SMAP1: variants seen among roughly 807,000 people sequenced by gnomAD.
SMAP1 encodes stromal membrane-associated protein 1.
SMAP1 carries 24 observed loss-of-function variants against 58.5 expected under a neutral mutation model. That is an observed-to-expected ratio of 0.41 (90% CI 0.30 to 0.58). SMAP1 has a LOEUF of 0.58. Ranked by LOEUF, SMAP1 falls within the 20% of genes least tolerant of loss-of-function variation. The pLI is 0.29. For synonymous variants in SMAP1, 216 were observed against 196.6 expected (o/e 1.10, Z -0.82); for missense variants, 563 against 566.3 (o/e 0.99, Z 0.06).
chr6:70,721,267 G>A (rs866010188), intron 1 of SMAP1, among the ~76,000 whole-genome samples: 16 of 151,976 alleles, frequency 1.1e-4, no homozygotes, highest in African/African-American at 1.9e-4. Flanking sequence ...AATTTTTTCC[G>A]CCAGATACCC....
chr6:70,722,621 CAG>C (rs974745903), intron 1 of SMAP1, among the ~76,000 whole-genome samples: 9 of 152,174 alleles, frequency 5.9e-5, no homozygotes, highest in Non-Finnish European at 1.2e-4. Context: ...GAGCCCCAAA[CAG>C]AGATTTATCC....
chr6:70,699,556 G>C (rs114869042), intron 1 of SMAP1, among the ~76,000 whole-genome samples: 1,604 of 152,170 alleles, frequency 0.011, 23 homozygotes, highest in African/African-American at 0.036. Flanking sequence ...GAGTCAGGAA[G>C]CTTAGGATTC....
At chr6:70,770,596 C>G (rs1161304004) in intron 3 of SMAP1, among the ~76,000 whole-genome samples, 1 of 152,186 alleles carries the variant, frequency 6.6e-6, no homozygotes, top group Non-Finnish European at 1.5e-5. Context: ...GCTTTCAGCT[C>G]CATGAACTCC....
At chr6:70,776,369 C>A (rs558523802) in intron 4 of SMAP1, among the ~76,000 whole-genome samples, 38 of 152,090 alleles carry the variant, frequency 2.5e-4, no homozygotes, top group African/African-American at 8.9e-4. Flanking sequence ...TTAGTAGAGA[C>A]GGGGTTTTGC....
At chr6:70,739,569 C>T (rs1765737631) in intron 2 of SMAP1, among the ~76,000 whole-genome samples, 1 of 152,088 alleles carries the variant, frequency 6.6e-6, no homozygotes, top group African/African-American at 2.4e-5. Context: ...AAAATACCTA[C>T]ATATGGTATG....
At chr6:70,718,073 C>T (rs1768348814) in intron 1 of SMAP1, among the ~76,000 whole-genome samples, 1 of 151,998 alleles carries the variant, frequency 6.6e-6, no homozygotes, top group Non-Finnish European at 1.5e-5. Context: ...AGCTCCCCTT[C>T]CAATTTTTTT....
rs66981900 is a variant in SMAP1, at chr6:70,682,170, A to ATTTTT, written c.118+14061_118+14065dup. On this transcript the variant is annotated intron_variant, in intron 1 of 10. Coordinates refer to ENST00000370455, the MANE Select transcript of SMAP1 (RefSeq NM_001044305.3). ...GGATTTAAGGTTATTCTCTGCACAG[A>ATTTTT]TTTTTTTTTTTTTTTTTTTTTTTTT... 9.4e-5 allele frequency among the ~76,000 whole-genome samples: 9 copies of ATTTTT among 95,918 alleles called. 1 individual carries two copies. The highest frequency in any genetic ancestry group is 1.6e-4 in the Non-Finnish European group (8 of 50,684). The allele number at this position is 95,918 out of a possible 152,430, so 62.9% of individuals were successfully genotyped here.
At chr6:70,685,586 C>T (rs1056823145) in intron 1 of SMAP1, among the ~76,000 whole-genome samples, 66 of 152,128 alleles carry the variant, frequency 4.3e-4, no homozygotes, top group African/African-American at 1.5e-3. Flanking sequence ...TAGGAATAAC[C>T]AGGTAAACAG....
At chr6:70,706,700 T>C (rs1296069846) in intron 1 of SMAP1, among the ~76,000 whole-genome samples, 2 of 152,220 alleles carry the variant, frequency 1.3e-5, no homozygotes, top group East Asian at 1.9e-4. Flanking sequence ...TATTAAACTT[T>C]CGTTGTACCA....
chr6:70,847,508 A>G (rs1220614626), intron 7 of SMAP1, among the ~76,000 whole-genome samples: 2 of 152,180 alleles, frequency 1.3e-5, no homozygotes, highest in African/African-American at 2.4e-5. Context: ...ACCACAAGCT[A>G]CTTAACTGTA....
chr6:70,839,308 A>G (rs1441123930), intron 7 of SMAP1, among the ~76,000 whole-genome samples: 1 of 152,132 alleles, frequency 6.6e-6, no homozygotes, highest in Admixed American at 6.5e-5. Flanking sequence ...CTTATCTTCT[A>G]CCACCTTGTC....
At position 70,769,005 on chromosome 6, in the gene SMAP1, T is replaced by C. The variant is rs201191918; in HGVS notation, c.339-4345T>C. On this transcript the variant is annotated intron_variant, in intron 3 of 10. Transcript: ENST00000370455. Reference sequence around the variant, plus strand: ...CTTTATTTCTGCCTTCATTTCGTTATGTACCCAGTAGTCATTCAGGAGCAG... The same window carrying C: ...CTTTATTTCTGCCTTCATTTCGTTACGTACCCAGTAGTCATTCAGGAGCAG... Among the ~76,000 whole-genome samples, 116 of 152,288 alleles carry C rather than the reference T, an allele frequency of 7.6e-4. 2 individuals are homozygous for C. In the East Asian group the frequency reaches 0.021, roughly 28 times the overall value.
intron 4 of SMAP1, among the ~76,000 whole-genome samples, chr6:70,786,221 A>G (rs1329118526): frequency 6.7e-6 from 1 of 149,990 alleles, no homozygotes; most frequent in African/African-American, 2.5e-5. Flanking sequence ...ATCTCAATAG[A>G]TGCAGAAAAG....
chr6:70,840,519 T>C (rs1339023552), intron 7 of SMAP1, among the ~76,000 whole-genome samples: 2 of 152,200 alleles, frequency 1.3e-5, no homozygotes, highest in Admixed American at 6.5e-5. Flanking sequence ...TCAACTCCCA[T>C]TGTAGTGTGC....
At chr6:70,750,234 T>TA (rs1562132666) in intron 2 of SMAP1, among the ~76,000 whole-genome samples, 1 of 152,120 alleles carries the variant, frequency 6.6e-6, no homozygotes, top group Non-Finnish European at 1.5e-5. Context: ...AGTGATTTTT[T>TA]AAAAAAATAT....
intron 6 of SMAP1, among the ~76,000 whole-genome samples, chr6:70,832,887 G>A (rs906032586): frequency 2.0e-5 from 3 of 152,130 alleles, no homozygotes; most frequent in African/African-American, 4.8e-5. Context: ...TTTCCAACAT[G>A]TGAATTTTGG....
chr6:70,839,996 C>T (rs1011052088), intron 7 of SMAP1, among the ~76,000 whole-genome samples: 8 of 152,152 alleles, frequency 5.3e-5, no homozygotes, highest in Admixed American at 2.0e-4. Flanking sequence ...AAGCATGCCG[C>T]TCTCCTCCAA....
chr6:70,668,184 G>T (rs777843733), intron 1 of SMAP1, 43 bp downstream of exon 1: 1 of 1,526,854 alleles, frequency 6.5e-7, no homozygotes, highest in South Asian at 1.2e-5. Flanking sequence ...GGCCTCTTGC[G>T]ACCGGTGACC....
rs557042257 is a variant in SMAP1, at chr6:70,838,596, A to C, written c.664+1568A>C. Among the ~76,000 whole-genome samples the C allele has an allele frequency of 4.6e-5, 7 of 152,326 alleles. No homozygotes were observed. In the East Asian group the frequency reaches 1.3e-3, roughly 29 times the overall value. Reference sequence around the variant, plus strand: ...GGTCTGGGTATCTGGATCTGTAAGCAAGAGTATTCTGAGAAGAACACAGCA... The same window carrying C: ...GGTCTGGGTATCTGGATCTGTAAGCCAGAGTATTCTGAGAAGAACACAGCA... On this transcript the variant is annotated intron_variant, in intron 7 of 10. Transcript: ENST00000370455.
Sources: gnomAD v4.1 joint callset for allele counts (sites outside exome capture counted in the v4.1 genomes callset) on GRCh38, gnomAD v4.1.1 for gene constraint, MANE v1.5 for transcripts, NCBI Gene and HGNC (gene_info 2026-07-23, HGNC 2026-07-21) for gene names.